ANTXR2: variants seen among roughly 807,000 people sequenced by gnomAD.
The protein encoded by ANTXR2 is ANTXR cell adhesion molecule 2.
Under a neutral mutation model 73.7 loss-of-function variants are expected in ANTXR2, and 44 were observed. The observed-to-expected ratio is 0.60, with a 90% CI of 0.47 to 0.77. ANTXR2 has a LOEUF of 0.77. Among genes scored for constraint, ANTXR2 ranks in the 30% least tolerant of loss-of-function variants. The probability of loss-of-function intolerance (pLI) is 0.00; values close to 1 mark genes in which losing one functional copy is unlikely to be tolerated. For missense variants in ANTXR2, 604 were observed against 592.5 expected, an observed-to-expected ratio of 1.02 and a Z score of -0.20; for synonymous variants, 217 against 205.9, an observed-to-expected ratio of 1.05 and a Z score of -0.46.
intron 3 of ANTXR2, among the ~76,000 whole-genome samples, chr4:80,063,693 G>A (rs543221946): frequency 6.6e-6 from 1 of 151,798 alleles, no homozygotes; most frequent in South Asian, 2.1e-4. Context: ...TCTGCTACTT[G>A]CTTTTAAACT....
At chr4:79,930,255 T>A (rs1304763694) in intron 16 of ANTXR2, among the ~76,000 whole-genome samples, 1 of 152,176 alleles carries the variant, frequency 6.6e-6, no homozygotes, top group Non-Finnish European at 1.5e-5. Context: ...AAATGTATTA[T>A]GAAGATGAAT....
chr4:80,052,348 A>G (rs1733809383), intron 7 of ANTXR2, among the ~76,000 whole-genome samples: 1 of 151,694 alleles, frequency 6.6e-6, no homozygotes, highest in South Asian at 2.1e-4. Flanking sequence ...TAGGTTTTGT[A>G]TACTATGAGG....
intron 16 of ANTXR2, among the ~76,000 whole-genome samples, chr4:79,937,497 C>T (rs1360191581): frequency 1.3e-5 from 2 of 152,104 alleles, no homozygotes; most frequent in African/African-American, 4.8e-5. Context: ...CCACTTTTTC[C>T]CAACTCTAAT....
chr4:80,011,153 AT>A (rs1032818292), intron 11 of ANTXR2, among the ~76,000 whole-genome samples: 3 of 151,870 alleles, frequency 2.0e-5, no homozygotes, highest in African/African-American at 7.2e-5. Context: ...CTCAAAAAAA[AT>A]AAATTAAATA....
In ANTXR2 at chr4:79,923,640, C is replaced by T. The variant is rs192331132; in HGVS notation, c.1429-16173G>A. On this transcript the variant is annotated intron_variant, in intron 16 of 16. Transcript: ENST00000403729. ...TCTAAGGCCATTGTGAGCCTTAGAT[C>T]GAAATACAACACACAATTTGACAAG... 1.5e-4 allele frequency among the ~76,000 whole-genome samples: 23 copies of T among 152,080 alleles called. No homozygotes were observed. In the East Asian group the frequency reaches 4.3e-3, roughly 28 times the overall value.
At chr4:79,979,908 T>C (rs1208100793) in intron 14 of ANTXR2, among the ~76,000 whole-genome samples, 3 of 152,132 alleles carry the variant, frequency 2.0e-5, no homozygotes, top group Non-Finnish European at 4.4e-5. Context: ...AGAGAAGTCA[T>C]TCAGGGTAGA....
At position 80,072,463 on chromosome 4, in the gene ANTXR2, G is replaced by T; in HGVS notation, c.98C>A (p.Ala33Asp). Residue 33 changes from alanine to aspartate, a missense_variant, in exon 1 of 17, where the codon GCC becomes GAC. Coordinates refer to ENST00000403729, the MANE Select transcript of ANTXR2 (RefSeq NM_058172.6). ...VLSGPGGLLR[A>D]QEQPSCRRAF... Reference sequence around the variant, plus strand: ...TCTTCTGCAGGAGGGCTGCTCCTGGGCGCGCAGCAGCCCCCCGGGACCGCT... The same window carrying T: ...TCTTCTGCAGGAGGGCTGCTCCTGGTCGCGCAGCAGCCCCCCGGGACCGCT... 1 of 1,609,560 alleles carries T rather than the reference G, an allele frequency of 6.2e-7. No individual in the cohort carries two copies. The highest frequency in any genetic ancestry group is 8.5e-7 in the Non-Finnish European group (1 of 1,178,134).
chr4:79,932,619 C>A (rs1047655519), intron 16 of ANTXR2, among the ~76,000 whole-genome samples: 5 of 151,568 alleles, frequency 3.3e-5, no homozygotes, highest in African/African-American at 1.2e-4. Flanking sequence ...TGGTGAAACC[C>A]CGTCTCTACT....
chr4:80,023,901 C>T (rs1356912406), intron 10 of ANTXR2, among the ~76,000 whole-genome samples: 2 of 152,152 alleles, frequency 1.3e-5, no homozygotes, highest in African/African-American at 4.8e-5. Context: ...ATCTGGAATT[C>T]GTCTTAAGAG....
intron 16 of ANTXR2, among the ~76,000 whole-genome samples, chr4:79,910,188 G>A (rs908830768): frequency 6.6e-6 from 1 of 152,116 alleles, no homozygotes; most frequent in African/African-American, 2.4e-5. Flanking sequence ...TGAAAATAGT[G>A]CCTGACATAT....
At chr4:80,020,003 G>C (rs1732080796) in intron 10 of ANTXR2, among the ~76,000 whole-genome samples, 2 of 152,216 alleles carry the variant, frequency 1.3e-5, no homozygotes, top group South Asian at 2.1e-4. Flanking sequence ...AATGACAAGA[G>C]GGTTTGTATG....
At chr4:80,072,348 A>G (rs1005044474) in intron 1 of ANTXR2, 61 bp downstream of exon 1, 37 of 1,483,678 alleles carry the variant, frequency 2.5e-5, no homozygotes, top group Non-Finnish European at 3.0e-5. Context: ...TCTCAGCCTC[A>G]GCCCCAGCTG....
intron 16 of ANTXR2, among the ~76,000 whole-genome samples, chr4:79,959,795 A>G (rs1729077018): frequency 6.6e-6 from 1 of 152,328 alleles, no homozygotes; most frequent in African/African-American, 2.4e-5. Context: ...AAAGCGGAAA[A>G]TTCATATAAG....
intron 16 of ANTXR2, among the ~76,000 whole-genome samples, chr4:79,909,730 A>C (rs1727052572): frequency 1.3e-5 from 2 of 152,140 alleles, no homozygotes; most frequent in Admixed American, 1.3e-4. Context: ...AAACAAGCAA[A>C]TGCTCTTCTC....
rs148101115 is a variant in ANTXR2 at position 80,023,291 on chromosome 4, A to G, written c.867-4315T>C. 4.4e-3 allele frequency among the ~76,000 whole-genome samples: 675 copies of G among 152,294 alleles called. 8 individuals carry two copies. The highest frequency in any genetic ancestry group is 0.015 in the African/African-American group (640 of 41,560). On this transcript the variant is annotated intron_variant, in intron 10 of 16. Transcript: ENST00000403729. ...AAACATGACCTTGATTAAATCCAAC[A>G]TTATAGCTATGTTGAGCTCTGTGCT...
intron 2 of ANTXR2, among the ~76,000 whole-genome samples, chr4:80,070,364 G>A (rs148097875): frequency 2.0e-5 from 3 of 152,224 alleles, no homozygotes; most frequent in African/African-American, 7.2e-5. Flanking sequence ...AGATCAATGA[G>A]TTAAGATAAG....
At chr4:80,071,438 A>G in intron 2 of ANTXR2, 145 bp downstream of exon 2, 1 of 705,732 alleles carries the variant, frequency 1.4e-6, no homozygotes, top group Non-Finnish European at 2.5e-6. Flanking sequence ...GGCTGTCCTA[A>G]TAACAGCATG....
chr4:79,929,194 T>TA (rs936398090), intron 16 of ANTXR2, among the ~76,000 whole-genome samples: 69 of 152,006 alleles, frequency 4.5e-4, no homozygotes, highest in Middle Eastern at 6.8e-3. Context: ...CCATAAAATA[T>TA]AAAAAAATAA....
intron 9 of ANTXR2, among the ~76,000 whole-genome samples, chr4:80,032,423 C>T (rs1278684838): frequency 6.6e-6 from 1 of 151,702 alleles, no homozygotes; most frequent in Non-Finnish European, 1.5e-5. Flanking sequence ...TTATCTTGTC[C>T]TACTCAATTG....
Sources: gnomAD v4.1 joint callset for allele counts (sites outside exome capture counted in the v4.1 genomes callset) on GRCh38, gnomAD v4.1.1 for gene constraint, MANE v1.5 for transcripts, NCBI Gene and HGNC (gene_info 2026-07-23, HGNC 2026-07-21) for gene names.